Variants in ARID1B observed in about 807,000 individuals in gnomAD.
ARID1B encodes the protein AT-rich interaction domain 1B.
Under a neutral mutation model 212.3 loss-of-function variants are expected in ARID1B, and 30 were observed. The observed-to-expected ratio is 0.14, with a 90% CI of 0.11 to 0.19. The LOEUF (loss-of-function observed/expected upper bound fraction) is 0.19. Ranked by LOEUF, ARID1B falls within the 10% of genes least tolerant of loss-of-function variation. The pLI, the probability that ARID1B is intolerant of heterozygous loss-of-function variation, is 1.00. For missense variants in ARID1B, 2,891 were observed against 3,204.0 expected, an observed-to-expected ratio of 0.90 and a Z score of 2.36; for synonymous variants, 1,402 against 1,301.7, an observed-to-expected ratio of 1.08 and a Z score of -1.66.
chr6:156,873,357 C>T (rs923602897), intron 2 of ARID1B, among the ~76,000 whole-genome samples: 2 of 152,248 alleles, frequency 1.3e-5, no homozygotes, highest in African/African-American at 2.4e-5. Context: ...TCTGACATTT[C>T]ATAAGTTCAA....
chr6:157,086,579 G>C (rs190204932), intron 5 of ARID1B, among the ~76,000 whole-genome samples: 1 of 152,304 alleles, frequency 6.6e-6, no homozygotes, highest in Admixed American at 6.5e-5. Context: ...AAGATATAAT[G>C]CTTTTAAATT....
intron 4 of ARID1B, among the ~76,000 whole-genome samples, chr6:157,076,898 A>T (rs1784348501): frequency 6.6e-6 from 1 of 152,146 alleles, no homozygotes. Context: ...TTCCTTTCTA[A>T]CTAAATACCT....
At chr6:157,107,373 T>C (rs1165483484) in intron 5 of ARID1B, among the ~76,000 whole-genome samples, 3 of 152,104 alleles carry the variant, frequency 2.0e-5, no homozygotes, top group Non-Finnish European at 2.9e-5. Flanking sequence ...TTATATAAGA[T>C]GTTAACATTG....
At chr6:156,966,528 G>C (rs1794775074) in intron 4 of ARID1B, among the ~76,000 whole-genome samples, 2 of 151,112 alleles carry the variant, frequency 1.3e-5, no homozygotes, top group South Asian at 2.1e-4. Context: ...CAAGTAGGTG[G>C]TATTACAGGC....
intron 5 of ARID1B, among the ~76,000 whole-genome samples, chr6:157,096,367 G>A (rs1182194016): frequency 6.6e-6 from 1 of 152,200 alleles, no homozygotes; most frequent in Non-Finnish European, 1.5e-5. Context: ...TTCTGAAATT[G>A]GTGACTTATA....
intron 3 of ARID1B, among the ~76,000 whole-genome samples, chr6:156,920,891 G>A (rs1258595553): frequency 6.7e-6 from 1 of 148,854 alleles, no homozygotes; most frequent in African/African-American, 2.5e-5. Flanking sequence ...TTTCACTCTC[G>A]TTGCCCAGGC....
intron 4 of ARID1B, among the ~76,000 whole-genome samples, chr6:157,041,839 A>G (rs1177204463): frequency 6.6e-6 from 1 of 152,066 alleles, no homozygotes; most frequent in Admixed American, 6.6e-5. Context: ...CTTCTTAGCC[A>G]CCATCACCAC....
chr6:157,091,842 A>T (rs1367498605), intron 5 of ARID1B, among the ~76,000 whole-genome samples: 4 of 152,252 alleles, frequency 2.6e-5, no homozygotes, highest in Admixed American at 2.6e-4. Flanking sequence ...TCGTGATGAC[A>T]TTAGCAGTAG....
In ARID1B at chr6:157,206,061, G is replaced by T. The variant is rs1032627998; in HGVS notation, c.5395-106G>T. ...AAAAGGGAGACAAACGTGTGACAAT[G>T]ATGGAAAGGTATTGACGGGTCTCAG... On this transcript the variant is annotated intron_variant, in intron 19 of 19. Transcript: ENST00000636930. The surrounding 1 kb of genome is among the most constrained non-coding windows in gnomAD (Gnocchi z 6.8). The T allele has an allele frequency of 4.0e-6, 5 of 1,238,172 alleles. No individual in the cohort carries two copies. Among genetic ancestry groups the T allele is most frequent in the Non-Finnish European group, 5.6e-6 (5 of 885,226 alleles). 76.7% of individuals were successfully genotyped at this position (1,238,172 alleles called of 1,614,324 possible). A position where few individuals can be genotyped will look rare whatever the true frequency, so the allele number is the denominator to read the frequency against.
intron 4 of ARID1B, among the ~76,000 whole-genome samples, chr6:156,990,321 C>T (rs1178474531): frequency 6.6e-6 from 1 of 151,936 alleles, no homozygotes; most frequent in East Asian, 1.9e-4. Flanking sequence ...TGCAGGCACA[C>T]ACCACCACAC....
At chr6:157,030,863 T>C (rs917775704) in intron 4 of ARID1B, among the ~76,000 whole-genome samples, 5 of 152,216 alleles carry the variant, frequency 3.3e-5, no homozygotes, top group Non-Finnish European at 5.9e-5. Flanking sequence ...TTAGTTCATT[T>C]CCAATACATT....
rs1779118895 is a variant in ARID1B, at chr6:157,004,890, C to CTTTTTTGTTTT, written c.2247+69320_2247+69321insGTTTTTTTTTT. Among the ~76,000 whole-genome samples, 34 of 35,688 alleles carry CTTTTTTGTTTT rather than the reference C, an allele frequency of 9.5e-4. 7 individuals carry two copies. Among genetic ancestry groups the CTTTTTTGTTTT allele is most frequent in the South Asian group, 1.9e-3 (1 of 532 alleles). 23.4% of individuals were successfully genotyped at this position (35,688 alleles called of 152,430 possible). A position where few individuals can be genotyped will look rare whatever the true frequency, so the allele number is the denominator to read the frequency against. The stretch of plus-strand genomic sequence containing the variant: ...GCATTTCTTTTTTCTTTTTCTTCTT[C>CTTTTTTGTTTT]TTTTTTCTTTTTTTTTTTTTTTTTT... On this transcript the variant is annotated intron_variant, in intron 4 of 19. Coordinates refer to ENST00000636930, the MANE Select transcript of ARID1B (RefSeq NM_001374828.1).
chr6:156,804,346 CA>C (rs943291491), intron 1 of ARID1B, among the ~76,000 whole-genome samples: 45 of 130,438 alleles, frequency 3.4e-4, no homozygotes, highest in African/African-American at 3.7e-4. Flanking sequence ...AAAAAAAAAG[CA>C]AAAAAAAAAA....
At chr6:157,071,754 C>A (rs949557062) in intron 4 of ARID1B, 1 of 152,208 alleles carries the variant, frequency 6.6e-6, no homozygotes, top group Non-Finnish European at 1.5e-5. Context: ...TGAGAATCTT[C>A]AGGTTCAAGA....
intron 4 of ARID1B, among the ~76,000 whole-genome samples, chr6:156,981,524 T>C (rs766923449): frequency 1.4e-4 from 22 of 152,228 alleles, no homozygotes; most frequent in Non-Finnish European, 2.8e-4. Flanking sequence ...AATGTACATA[T>C]ACATGCAATC....
chr6:157,038,205 A>G (rs941276556), intron 4 of ARID1B, among the ~76,000 whole-genome samples: 2 of 152,170 alleles, frequency 1.3e-5, no homozygotes, highest in African/African-American at 4.8e-5. Context: ...GGTAGGTGCC[A>G]TCAGTTACTT....
chr6:156,979,818 A>C (rs1777499148), intron 4 of ARID1B, among the ~76,000 whole-genome samples: 1 of 152,092 alleles, frequency 6.6e-6, no homozygotes, highest in Admixed American at 6.5e-5. Context: ...GGCCTCCCAA[A>C]GTGCTGGGAT....
chr6:156,800,677 C>T (rs986570965), intron 1 of ARID1B, among the ~76,000 whole-genome samples: 4 of 151,944 alleles, frequency 2.6e-5, no homozygotes, highest in African/African-American at 7.3e-5. Context: ...GAGGCTGAGG[C>T]GGGAGCATCA....
chr6:157,098,414 A>G (rs909749785), intron 5 of ARID1B, among the ~76,000 whole-genome samples: 2 of 152,212 alleles, frequency 1.3e-5, no homozygotes, highest in East Asian at 1.9e-4. Context: ...CTTTCCCTCC[A>G]CAAGTGGGTT....
Sources: gnomAD v4.1 joint callset for allele counts (sites outside exome capture counted in the v4.1 genomes callset) on GRCh38, gnomAD v4.1.1 for gene constraint, Gnocchi (gnomAD v3.1) non-coding constraint, MANE v1.5 for transcripts, NCBI Gene and HGNC (gene_info 2026-07-23, HGNC 2026-07-21) for gene names.